Variants in CPQ observed in about 807,000 individuals in gnomAD.
The protein encoded by CPQ is carboxypeptidase Q, also known as Ser-Met dipeptidase.
Under a neutral mutation model 45.7 loss-of-function variants are expected in CPQ, and 37 were observed. The ratio of observed to expected loss-of-function variants is 0.81; its 90% CI spans 0.62 to 1.07. CPQ has a LOEUF of 1.07. Ranked by LOEUF, CPQ falls within the 50% of genes least tolerant of loss-of-function variation. The pLI is 0.00. For missense variants in CPQ, 537 were observed against 572.9 expected, an observed-to-expected ratio of 0.94 and a Z score of 0.64; for synonymous variants, 186 against 205.8, an observed-to-expected ratio of 0.90 and a Z score of 0.82.
chr8:97,070,841 T>C (rs1810728355), intron 7 of CPQ, among the ~76,000 whole-genome samples: 1 of 152,166 alleles, frequency 6.6e-6, no homozygotes, highest in African/African-American at 2.4e-5. Context: ...TGCCTGATTC[T>C]CCTATATGAG....
chr8:97,078,802 T>TCTCC (rs1810896964), intron 7 of CPQ, among the ~76,000 whole-genome samples: 1 of 145,806 alleles, frequency 6.9e-6, no homozygotes, highest in Non-Finnish European at 1.5e-5. Context: ...TCTCTCTCTC[T>TCTCC]CTCTCCCTCT....
chr8:96,649,708 T>A (rs928773602), intron 1 of CPQ, among the ~76,000 whole-genome samples: 1 of 152,214 alleles, frequency 6.6e-6, no homozygotes, highest in African/African-American at 2.4e-5. Flanking sequence ...TGTGCTGTGA[T>A]GTCACACAGT....
At chr8:96,794,903 A>C (rs1422797863) in intron 2 of CPQ, among the ~76,000 whole-genome samples, 1 of 152,136 alleles carries the variant, frequency 6.6e-6, no homozygotes, top group Non-Finnish European at 1.5e-5. Context: ...ATCTGAGAAC[A>C]CCTCAGCCTG....
chr8:96,845,779 G>T (rs1195581968), intron 3 of CPQ, among the ~76,000 whole-genome samples: 1 of 152,130 alleles, frequency 6.6e-6, no homozygotes, highest in African/African-American at 2.4e-5. Flanking sequence ...GGCCATAGAT[G>T]TGACTCATAT....
At chr8:96,747,513 T>C (rs1328038230) in intron 1 of CPQ, among the ~76,000 whole-genome samples, 1 of 152,170 alleles carries the variant, frequency 6.6e-6, no homozygotes, top group Admixed American at 6.5e-5. Flanking sequence ...TGTGACTCTA[T>C]AGATTGGATA....
chr8:97,110,229 C>A (rs534762242), intron 7 of CPQ, among the ~76,000 whole-genome samples: 26 of 152,168 alleles, frequency 1.7e-4, no homozygotes, highest in Non-Finnish European at 3.5e-4. Context: ...GACTCACACA[C>A]GGGTATGTAT....
intron 2 of CPQ, among the ~76,000 whole-genome samples, chr8:96,798,974 T>G (rs1810970574): frequency 6.6e-6 from 1 of 152,168 alleles, no homozygotes; most frequent in South Asian, 2.1e-4. Context: ...ATGAGTGGAT[T>G]GTGAAAGGTC....
intron 1 of CPQ, among the ~76,000 whole-genome samples, chr8:96,718,043 T>A (rs1387458154): frequency 6.6e-6 from 1 of 152,092 alleles, no homozygotes; most frequent in Non-Finnish European, 1.5e-5. Context: ...CCATAAGCTT[T>A]CTCCATGGAG....
chr8:97,118,886 C>T (rs1230709274), intron 7 of CPQ, among the ~76,000 whole-genome samples: 4 of 152,090 alleles, frequency 2.6e-5, no homozygotes, highest in Non-Finnish European at 5.9e-5. Flanking sequence ...ATCTCCAGTC[C>T]TCATGACCAG....
At chr8:97,005,819 C>T (rs148113944) in intron 5 of CPQ, among the ~76,000 whole-genome samples, 95 of 152,206 alleles carry the variant, frequency 6.2e-4, no homozygotes, top group Middle Eastern at 3.4e-3. Flanking sequence ...TACAGTTGTG[C>T]TAATATCAGT....
intron 2 of CPQ, among the ~76,000 whole-genome samples, chr8:96,814,672 T>C (rs761724671): frequency 2.0e-5 from 3 of 152,144 alleles, no homozygotes; most frequent in Non-Finnish European, 4.4e-5. Context: ...GGTGTTGATA[T>C]AGAAATGAGT....
chr8:96,900,056 CTTG>C (rs1812495627), intron 4 of CPQ, among the ~76,000 whole-genome samples: 1 of 152,144 alleles, frequency 6.6e-6, no homozygotes, highest in Non-Finnish European at 1.5e-5. Context: ...ACAGAACTCT[CTTG>C]TTGTAAAACA....
intron 7 of CPQ, among the ~76,000 whole-genome samples, chr8:97,082,750 A>G (rs1001446646): frequency 1.3e-5 from 2 of 152,134 alleles, no homozygotes; most frequent in Non-Finnish European, 2.9e-5. Context: ...GCTCCCAGCA[A>G]TCTGCATTAT....
At chr8:96,756,039 T>C (rs1810322701) in intron 1 of CPQ, among the ~76,000 whole-genome samples, 1 of 152,090 alleles carries the variant, frequency 6.6e-6, no homozygotes, top group South Asian at 2.1e-4. Flanking sequence ...TTTCTTCTAA[T>C]AGTTACCTCC....
At chr8:97,040,720 G>A (rs1810105457) in intron 6 of CPQ, among the ~76,000 whole-genome samples, 1 of 151,882 alleles carries the variant, frequency 6.6e-6, no homozygotes, top group African/African-American at 2.4e-5. Flanking sequence ...AGTTTTCCCA[G>A]CACCATTTAT....
intron 1 of CPQ, among the ~76,000 whole-genome samples, chr8:96,760,398 T>C (rs1178636589): frequency 6.6e-6 from 1 of 152,100 alleles, no homozygotes; most frequent in Non-Finnish European, 1.5e-5. Context: ...GTATGCAAGA[T>C]TGTAAGTGGA....
intron 1 of CPQ, among the ~76,000 whole-genome samples, chr8:96,723,857 C>A (rs1302545157): frequency 1.3e-5 from 2 of 152,028 alleles, no homozygotes; most frequent in Non-Finnish European, 1.5e-5. Flanking sequence ...TCCCAAGAGA[C>A]CTCTTATATT....
chr8:96,726,471 T>TG (rs2130766847), intron 1 of CPQ, among the ~76,000 whole-genome samples: 1 of 152,256 alleles, frequency 6.6e-6, no homozygotes, highest in South Asian at 2.1e-4. Flanking sequence ...GCTTGGCTTC[T>TG]GAGGAGGCCT....
intron 1 of CPQ, among the ~76,000 whole-genome samples, chr8:96,732,979 G>A (rs1473224909): frequency 6.6e-6 from 1 of 152,308 alleles, no homozygotes; most frequent in Non-Finnish European, 1.5e-5. Flanking sequence ...CAAGGTATAT[G>A]TGAGAGACTA....
Sources: allele counts gnomAD v4.1 joint callset (sites outside exome capture counted in the v4.1 genomes callset), GRCh38; gene constraint gnomAD v4.1.1; transcripts MANE v1.5; gene names NCBI Gene and HGNC (gene_info 2026-07-23, HGNC 2026-07-21).